The following PDE1A variants were observed in gnomAD, a reference collection of about 807,000 sequenced individuals.
The protein encoded by PDE1A is dual specificity calcium/calmodulin-dependent 3',5'-cyclic nucleotide phosphodiesterase 1A.
PDE1A carries 35 observed loss-of-function variants against 61.7 expected under a neutral mutation model. That is an observed-to-expected ratio of 0.57 (90% confidence interval 0.43 to 0.75). The LOEUF is 0.75. Among genes scored for constraint, PDE1A ranks in the 30% least tolerant of loss-of-function variants. The probability of loss-of-function intolerance (pLI) is 0.00; values close to 1 mark genes in which losing one functional copy is unlikely to be tolerated. For missense variants in PDE1A, 597 were observed against 630.6 expected, an observed-to-expected ratio of 0.95 and a Z score of 0.57; for synonymous variants, 232 against 213.2, an observed-to-expected ratio of 1.09 and a Z score of -0.77.
At chr2:182,529,394 T>C in the PDE1A span, among the ~76,000 whole-genome samples, 16 of 152,300 alleles carry the variant, frequency 1.1e-4, no homozygotes, top group Admixed American at 1.0e-3. Context: ...ACAGTTATAT[T>C]TACCCAATGC....
the PDE1A span, among the ~76,000 whole-genome samples, chr2:182,647,922 A>T: frequency 7.2e-4 from 109 of 152,306 alleles, no homozygotes; most frequent in Non-Finnish European, 1.3e-3. Flanking sequence ...TACTGAGGAA[A>T]AAAAAAGGCA....
At chr2:182,685,888 C>A in the PDE1A span, among the ~76,000 whole-genome samples, 2 of 152,168 alleles carry the variant, frequency 1.3e-5, no homozygotes, top group Admixed American at 1.3e-4. Context: ...AATATATTAT[C>A]CCTGCCAAGA....
the PDE1A span, among the ~76,000 whole-genome samples, chr2:182,712,557 AT>A: frequency 6.6e-6 from 1 of 151,926 alleles, no homozygotes; most frequent in African/African-American, 2.4e-5. Context: ...ATTCTTTTCC[AT>A]TTTTTTCTTT....
At chr2:182,669,131 A>G in the PDE1A span, among the ~76,000 whole-genome samples, 1 of 152,210 alleles carries the variant, frequency 6.6e-6, no homozygotes, top group Non-Finnish European at 1.5e-5. Context: ...CAAAGAAGCT[A>G]TTCTAGACTG....
intron 1 of PDE1A, among the ~76,000 whole-genome samples, chr2:182,378,008 G>A (rs137895409): frequency 0.042 from 6,403 of 152,010 alleles, 158 homozygotes; most frequent in Admixed American, 0.078. Flanking sequence ...CACCTCGCCC[G>A]GCTAATTTTT....
intron 2 of PDE1A, among the ~76,000 whole-genome samples, chr2:182,240,564 C>G (rs1269023460): frequency 6.6e-6 from 1 of 152,018 alleles, no homozygotes; most frequent in East Asian, 1.9e-4. Context: ...CTAGAGGTAC[C>G]GACTGTTAAT....
At chr2:182,157,472 A>G (rs1473046283) in intron 13 of PDE1A, among the ~76,000 whole-genome samples, 1 of 152,220 alleles carries the variant, frequency 6.6e-6, no homozygotes, top group African/African-American at 2.4e-5. Context: ...ACAAGTTTCT[A>G]TAGACTCTAA....
the PDE1A span, among the ~76,000 whole-genome samples, chr2:182,660,899 G>A: frequency 6.6e-6 from 1 of 152,240 alleles, no homozygotes; most frequent in East Asian, 1.9e-4. Context: ...GGAAACCCTG[G>A]GATAATAAAT....
intron 2 of PDE1A, among the ~76,000 whole-genome samples, chr2:182,262,091 CA>C (rs1559266758): frequency 6.6e-6 from 1 of 151,700 alleles, no homozygotes; most frequent in African/African-American, 2.4e-5. Context: ...CATACACATT[CA>C]GTGAACATTC....
the PDE1A span, among the ~76,000 whole-genome samples, chr2:182,665,167 CTT>C: frequency 1.6e-3 from 242 of 152,156 alleles, no homozygotes; most frequent in Middle Eastern, 3.4e-3. Flanking sequence ...GTAAAAAAGA[CTT>C]CAGAAGTTTT....
intron 1 of PDE1A, among the ~76,000 whole-genome samples, chr2:182,383,550 T>G (rs1020342134): frequency 2.6e-5 from 4 of 152,148 alleles, no homozygotes; most frequent in African/African-American, 2.4e-5. Flanking sequence ...AGATAACATT[T>G]TAGATCTAGT....
the PDE1A span, among the ~76,000 whole-genome samples, chr2:182,700,903 G>A: frequency 6.7e-4 from 102 of 151,740 alleles, no homozygotes; most frequent in South Asian, 9.0e-3. Flanking sequence ...AGTGACAGAG[G>A]GAGATTATAT....
the PDE1A span, among the ~76,000 whole-genome samples, chr2:182,564,446 C>T: frequency 6.6e-6 from 1 of 152,158 alleles, no homozygotes; most frequent in East Asian, 1.9e-4. Context: ...ATGGGCTTCC[C>T]TTTGTGGGTA....
chr2:182,163,800 A>G (rs1691510001), downstream of PDE1A, among the ~76,000 whole-genome samples: 1 of 152,174 alleles, frequency 6.6e-6, no homozygotes, highest in South Asian at 2.1e-4. Context: ...AAAAGACTGC[A>G]ACAAGTCCAG....
At chr2:182,430,048 ACTG>A (rs1214702826), upstream of PDE1A, among the ~76,000 whole-genome samples, 1 of 152,178 alleles carries the variant, frequency 6.6e-6, no homozygotes, top group Non-Finnish European at 1.5e-5. Flanking sequence ...GGGAAACGAA[ACTG>A]CAAGAAAGAA....
chr2:182,186,028 A>G (rs754593501), exon 13 of PDE1A: 11 of 1,614,076 alleles, frequency 6.8e-6, no homozygotes, highest in Non-Finnish European at 9.3e-6. Context: ...AGCCTTTTGT[A>G]TTTGATCGTC....
At chr2:182,388,144 T>C (rs1367143050) in intron 1 of PDE1A, among the ~76,000 whole-genome samples, 2 of 152,282 alleles carry the variant, frequency 1.3e-5, no homozygotes, top group African/African-American at 4.8e-5. Context: ...TGGTTATAAA[T>C]AGATATGAAT....
At chr2:182,636,205 G>A in the PDE1A span, among the ~76,000 whole-genome samples, 1 of 151,878 alleles carries the variant, frequency 6.6e-6, no homozygotes, top group Non-Finnish European at 1.5e-5. Context: ...TGATCTACCC[G>A]CCTCAGCCTC....
chr2:182,522,988 T>C (rs1257678239), upstream of PDE1A: 2 of 152,070 alleles, frequency 1.3e-5, no homozygotes, highest in Non-Finnish European at 1.5e-5. Context: ...ATGCAACAAA[T>C]ATTAATGATA....
Sources: allele counts gnomAD v4.1 joint callset (sites outside exome capture counted in the v4.1 genomes callset), GRCh38; gene constraint gnomAD v4.1.1; transcripts MANE v1.5; gene names NCBI Gene and HGNC (gene_info 2026-07-23, HGNC 2026-07-21).